The following POU2F2 variants were observed in gnomAD, a reference collection of about 807,000 sequenced individuals.
POU2F2 encodes the protein POU domain, class 2, transcription factor 2.
Under a neutral mutation model 63.5 loss-of-function variants are expected in POU2F2, and 14 were observed. That is an observed-to-expected ratio of 0.22 (90% CI 0.15 to 0.34). The LOEUF is 0.34. POU2F2 is among the 10% of genes least tolerant of loss of function. The pLI is 1.00. For synonymous variants in POU2F2, 306 were observed against 348.6 expected (o/e 0.88, Z 1.36); for missense variants, 607 against 815.2 (o/e 0.74, Z 3.11).
upstream of POU2F2, among the ~76,000 whole-genome samples, chr19:42,176,716 AC>A (rs567348262): frequency 2.6e-4 from 30 of 116,600 alleles, no homozygotes; most frequent in African/African-American, 8.0e-4. Context: ...GAGCAAGCTG[AC>A]CCCCCCCATC....
intron 5 of POU2F2, among the ~76,000 whole-genome samples, chr19:42,101,829 T>C (rs2077152891): frequency 6.6e-6 from 1 of 152,028 alleles, no homozygotes; most frequent in African/African-American, 2.4e-5. Context: ...CACAAAAAAT[T>C]AGCTGGGCAT....
intron 1 of POU2F2, among the ~76,000 whole-genome samples, chr19:42,183,960 C>A (rs2034988720): frequency 6.6e-6 from 1 of 151,184 alleles, no homozygotes; most frequent in South Asian, 2.1e-4. Flanking sequence ...CCTGAAAAGG[C>A]CCAGAGAGAA....
chr19:42,102,659 G>T (rs1468384888), intron 5 of POU2F2, among the ~76,000 whole-genome samples: 5 of 151,904 alleles, frequency 3.3e-5, no homozygotes, highest in African/African-American at 1.2e-4. Flanking sequence ...GAAAAAAGGG[G>T]GGATGAGGTA....
In POU2F2 at chr19:42,086,125, C is replaced by G. The variant is rs1002769174; in HGVS notation, c.*5132G>C. 6.6e-6 allele frequency: 1 copy of G among 152,088 alleles called. No individual in the cohort carries two copies. The highest frequency in any genetic ancestry group is 1.5e-5 in the Non-Finnish European group (1 of 68,034). 9.4% of individuals were successfully genotyped at this position (152,088 alleles called of 1,614,324 possible). A position where few individuals can be genotyped will look rare whatever the true frequency, so the allele number is the denominator to read the frequency against. ...AGAGTAGGCATCATTTCTCTCTGTACAGTTTTTAATTTTTTATTTTTTGAT... is the reference window on the plus strand; with the variant it reads ...AGAGTAGGCATCATTTCTCTCTGTAGAGTTTTTAATTTTTTATTTTTTGAT... On this transcript the variant is annotated 3_prime_UTR_variant, in exon 15 of 15. Transcript: ENST00000692977.
At chr19:42,125,859 T>TA (rs2033150570) in intron 1 of POU2F2, among the ~76,000 whole-genome samples, 2 of 152,124 alleles carry the variant, frequency 1.3e-5, no homozygotes, top group African/African-American at 4.8e-5. Context: ...TCCCCCTGCT[T>TA]GGGGGTCTGC....
At chr19:42,196,919 T>C (rs1447991757), upstream of POU2F2, among the ~76,000 whole-genome samples, 1 of 151,640 alleles carries the variant, frequency 6.6e-6, no homozygotes, top group Non-Finnish European at 1.5e-5. Flanking sequence ...AAGGGGGAGG[T>C]GACCCAGAGA....
At chr19:42,091,640 A>G in intron 14 of POU2F2, 49 bp from the exon 15 acceptor site, 1 of 1,544,372 alleles carries the variant, frequency 6.5e-7, no homozygotes, top group Non-Finnish European at 8.8e-7. Flanking sequence ...GGGCCAGGGG[A>G]GACCTTTGCC....
In POU2F2 at chr19:42,162,331, C is replaced by T. The variant is rs931942038; in HGVS notation, c.-69-1939G>A. ...GAGGGGAGAGGATCCCTCTCCCAAGCAGACAACACCTCCAAGTAGAGAGAC... is the reference window on the plus strand; with the variant it reads ...GAGGGGAGAGGATCCCTCTCCCAAGTAGACAACACCTCCAAGTAGAGAGAC... On this transcript the variant is annotated intron_variant, in intron 1 of 6. Coordinates refer to the POU2F2 transcript ENST00000524801. This position sits in a 1 kb window ranked among gnomAD's most constrained non-coding sequence, Gnocchi z 4.1. Among the ~76,000 whole-genome samples, 1 of 152,140 alleles carries T rather than the reference C, an allele frequency of 6.6e-6. No homozygotes were observed. Among genetic ancestry groups the T allele is most frequent in the Admixed American group, 6.5e-5 (1 of 15,282 alleles).
At chr19:42,106,055 T>TTTC (rs1193956246) in intron 5 of POU2F2, among the ~76,000 whole-genome samples, 7 of 132,032 alleles carry the variant, frequency 5.3e-5, no homozygotes, top group South Asian at 4.9e-4. Context: ...TTCTTTCTTC[T>TTTC]TTCTTTCTTT....
Position 42,096,045 on chromosome 19 carries a change from C to T in POU2F2, c.729+37G>A. On this transcript the variant is annotated intron_variant, in intron 8 of 14. Coordinates refer to ENST00000692977, the MANE Select transcript of POU2F2 (RefSeq NM_001394376.1). The surrounding 1 kb of genome is among the most constrained non-coding windows in gnomAD (Gnocchi z 4.1). Reference sequence around the variant, plus strand: ...CGGCATCTATCAACTGGCCACGCCCCCACGCCCACCGCCCAGCCTGCAAGG... The same window carrying T: ...CGGCATCTATCAACTGGCCACGCCCTCACGCCCACCGCCCAGCCTGCAAGG... The T allele has an allele frequency of 6.2e-7, 1 of 1,610,690 alleles. No individual in the cohort carries two copies. The highest frequency in any genetic ancestry group is 1.7e-5 in the Admixed American group (1 of 59,446).
At chr19:42,150,793 CCGCAGGCCGGGTGGGGG>C (rs1346682885) in intron 2 of POU2F2, among the ~76,000 whole-genome samples, 2 of 152,176 alleles carry the variant, frequency 1.3e-5, no homozygotes, top group Non-Finnish European at 2.9e-5. Flanking sequence ...ACTCCCAATG[CCGCAGGCCGGGTGGGGG>C]TGGGGTGGGG....
chr19:42,187,761 C>CAAA (rs745767404), intron 1 of POU2F2, among the ~76,000 whole-genome samples: 3,656 of 49,856 alleles, frequency 0.073, 135 homozygotes, highest in African/African-American at 0.16. Context: ...GACTCCATCA[C>CAAA]AAAAAAAAAA....
At chr19:42,173,551 A>G (rs1478704615) in intron 1 of POU2F2, among the ~76,000 whole-genome samples, 1 of 150,046 alleles carries the variant, frequency 6.7e-6, no homozygotes, top group Non-Finnish European at 1.5e-5. Context: ...CCACTGACGG[A>G]CTTGCTAGAA....
chr19:42,191,749 G>A (rs1053669848), intron 1 of POU2F2, among the ~76,000 whole-genome samples: 20 of 152,308 alleles, frequency 1.3e-4, no homozygotes, highest in African/African-American at 4.8e-4. Context: ...GTGAGGGGCT[G>A]TCAGATCTGA....
At chr19:42,178,144 G>T (rs1334765242), upstream of POU2F2, among the ~76,000 whole-genome samples, 3 of 151,930 alleles carry the variant, frequency 2.0e-5, no homozygotes, top group Non-Finnish European at 4.4e-5. Flanking sequence ...GGAACAGAGT[G>T]GGGGGAGAGG....
In POU2F2 at chr19:42,122,502, C is replaced by G; in HGVS notation, c.94+9G>C. 1 of 1,610,820 alleles carries G rather than the reference C, an allele frequency of 6.2e-7. No individual in the cohort carries two copies. Among genetic ancestry groups the G allele is most frequent in the Non-Finnish European group, 8.5e-7 (1 of 1,178,032 alleles). ...GTGACCCCTGCCCCCCTGCTCCCTG[C>G]CCACCCACCTGTGTGCTCTGATGGG... On this transcript the variant is annotated intron_variant, in intron 2 of 14. Coordinates refer to ENST00000692977, the MANE Select transcript of POU2F2 (RefSeq NM_001394376.1).
At chr19:42,184,135 C>T (rs969001903) in intron 1 of POU2F2, among the ~76,000 whole-genome samples, 1 of 151,884 alleles carries the variant, frequency 6.6e-6, no homozygotes, top group African/African-American at 2.4e-5. Context: ...GGACGACAGG[C>T]GTGCACCACC....
intron 7 of POU2F2, among the ~76,000 whole-genome samples, chr19:42,098,324 A>C (rs140594409): frequency 0.014 from 2,064 of 151,798 alleles, 30 homozygotes; most frequent in African/African-American, 0.036. Flanking sequence ...GAGGTAGGAG[A>C]ATCGCTTGAA....
chr19:42,092,297 G>T lies in POU2F2; in HGVS notation c.1265-27C>A. 2 of 1,507,118 alleles carry T rather than the reference G, an allele frequency of 1.3e-6. No homozygotes were observed. Among genetic ancestry groups the T allele is most frequent in the South Asian group, 1.2e-5 (1 of 83,186 alleles). The allele number at this position is 1,507,118 out of a possible 1,614,324, so 93.4% of individuals were successfully genotyped here. A position where few individuals can be genotyped will look rare whatever the true frequency, so the allele number is the denominator to read the frequency against. ...TGCCAGAGAGAGACAGAAAGATGGGGTCTTCAGCTTCCACTCGTCCCCCAC... is the reference window on the plus strand; with the variant it reads ...TGCCAGAGAGAGACAGAAAGATGGGTTCTTCAGCTTCCACTCGTCCCCCAC... On this transcript the variant is annotated intron_variant, in intron 12 of 14. Transcript: ENST00000692977. The surrounding 1 kb of genome is among the most constrained non-coding windows in gnomAD (Gnocchi z 5.0).
Sources: allele counts gnomAD v4.1 joint callset (sites outside exome capture counted in the v4.1 genomes callset), GRCh38; gene constraint gnomAD v4.1.1; non-coding constraint Gnocchi (gnomAD v3.1); transcripts MANE v1.5; gene names NCBI Gene and HGNC (gene_info 2026-07-23, HGNC 2026-07-21).